TBC1D19: variants seen among roughly 807,000 people sequenced by gnomAD.
TBC1D19 encodes TBC1 domain family, member 19.
Under a neutral mutation model 89.0 loss-of-function variants are expected in TBC1D19, and 60 were observed. That is an observed-to-expected ratio of 0.67 (90% CI 0.55 to 0.84). TBC1D19 has a LOEUF of 0.84. Ranked by LOEUF, TBC1D19 falls within the 40% of genes least tolerant of loss-of-function variation. The pLI, the probability that TBC1D19 is intolerant of heterozygous loss-of-function variation, is 0.00. For missense variants in TBC1D19, 500 were observed against 610.8 expected, an observed-to-expected ratio of 0.82 and a Z score of 1.91; for synonymous variants, 189 against 199.7, an observed-to-expected ratio of 0.95 and a Z score of 0.45.
At position 26,599,320 on chromosome 4, in the gene TBC1D19, A is replaced by T. The variant is rs185942489; in HGVS notation, c.100-13849A>T. Among the ~76,000 whole-genome samples the T allele has an allele frequency of 1.7e-3, 259 of 152,294 alleles. 2 individuals are homozygous for T. The highest frequency in any genetic ancestry group is 5.7e-3 in the African/African-American group (238 of 41,568). On this transcript the variant is annotated intron_variant, in intron 1 of 20. Transcript: ENST00000264866. ...TGGTGGTTTGTTACAAGCCTTTTAA[A>T]ATTTAATCAAGAGGGCATTTTCCTG...
At chr4:26,821,792 C>G in the TBC1D19 span, among the ~76,000 whole-genome samples, 1 of 152,244 alleles carries the variant, frequency 6.6e-6, no homozygotes. Context: ...TCATCACACA[C>G]AGGTCAGCAG....
chr4:26,646,178 A>G (rs1385183666), intron 7 of TBC1D19, among the ~76,000 whole-genome samples: 15 of 152,092 alleles, frequency 9.9e-5, no homozygotes, highest in Non-Finnish European at 1.5e-4. Context: ...ACTTTTCAAA[A>G]GAAGACATTT....
At chr4:26,705,332 G>A (rs1346266718) in intron 13 of TBC1D19, among the ~76,000 whole-genome samples, 1 of 151,932 alleles carries the variant, frequency 6.6e-6, no homozygotes, top group Non-Finnish European at 1.5e-5. Flanking sequence ...CTGTGCCTTT[G>A]GTATTGTATC....
At chr4:26,692,327 A>G (rs1234784108) in intron 13 of TBC1D19, among the ~76,000 whole-genome samples, 1 of 152,192 alleles carries the variant, frequency 6.6e-6, no homozygotes. Context: ...TCTGGCCCAA[A>G]AGCTCTGACT....
the TBC1D19 span, among the ~76,000 whole-genome samples, chr4:26,842,635 T>TCTTC: frequency 6.8e-6 from 1 of 146,624 alleles, no homozygotes; most frequent in Admixed American, 6.9e-5. Flanking sequence ...TTTCTTTCTT[T>TCTTC]CTTTCTTTCT....
chr4:26,697,791 G>A (rs1277927100), intron 13 of TBC1D19, among the ~76,000 whole-genome samples: 1 of 152,084 alleles, frequency 6.6e-6, no homozygotes, highest in East Asian at 1.9e-4. Flanking sequence ...TGCAGGAAAG[G>A]CCTTTGACAA....
At chr4:26,595,267 T>A (rs189799301) in intron 1 of TBC1D19, among the ~76,000 whole-genome samples, 41 of 152,356 alleles carry the variant, frequency 2.7e-4, no homozygotes, top group Non-Finnish European at 1.3e-4. Context: ...CTTTTGCCCA[T>A]TTTTTAATTG....
intron 7 of TBC1D19, among the ~76,000 whole-genome samples, chr4:26,644,693 C>T (rs777650177): frequency 2.0e-5 from 3 of 152,210 alleles, no homozygotes; most frequent in Non-Finnish European, 4.4e-5. Context: ...AGCTGCAAAT[C>T]TCCTTAGGCT....
intron 11 of TBC1D19, among the ~76,000 whole-genome samples, chr4:26,682,308 A>T (rs1328950756): frequency 6.6e-6 from 1 of 152,242 alleles, no homozygotes; most frequent in Non-Finnish European, 1.5e-5. Context: ...AAATGAAAAC[A>T]TCAATAAGGA....
In TBC1D19 at chr4:26,637,266, G is replaced by C; in HGVS notation, c.350G>C (p.Ser117Thr). 6.2e-7 allele frequency: 1 copy of C among 1,609,980 alleles called. No individual in the cohort carries two copies. The highest frequency in any genetic ancestry group is 8.5e-7 in the Non-Finnish European group (1 of 1,177,976). ...TTAAATAGTATGTGCACTGAACTGA[G>C]TATCCCACTGGCACGAAAGGTACTT... ...KSLNSMCTEL[S>T]IPLARKRPVG... Residue 117 changes from serine (S) to threonine (T), a missense_variant, in exon 5 of 21, where the codon AGT becomes ACT. Ser to Thr is a moderately conservative substitution (Grantham distance 58). This residue lies in a region of TBC1D19 where 280 missense variants were observed against 291.7 expected (regional missense o/e 0.96). Coordinates refer to ENST00000264866, the MANE Select transcript of TBC1D19 (RefSeq NM_018317.4).
In TBC1D19 at chr4:26,681,542, C is replaced by T. The variant is rs78913070; in HGVS notation, c.817-2133C>T. 2.1e-3 allele frequency among the ~76,000 whole-genome samples: 316 copies of T among 151,848 alleles called. 9 individuals carry two copies. The East Asian group carries it at 0.052, about 25-fold the overall frequency. ...CTCCAGCCTGGGCGACAGAGTGAGACGCCGTCTCAAAAAAAATATATATAT... is the reference window on the plus strand; with the variant it reads ...CTCCAGCCTGGGCGACAGAGTGAGATGCCGTCTCAAAAAAAATATATATAT... On this transcript the variant is annotated intron_variant, in intron 11 of 20. Coordinates refer to ENST00000264866, the MANE Select transcript of TBC1D19 (RefSeq NM_018317.4).
the TBC1D19 span, among the ~76,000 whole-genome samples, chr4:26,793,413 T>TC: frequency 6.6e-6 from 1 of 152,184 alleles, no homozygotes. Context: ...CAACCAATGG[T>TC]ACAGTTGATG....
In TBC1D19 at chr4:26,660,543, C is replaced by T. The variant is rs145920908; in HGVS notation, c.591+836C>T. 4.9e-3 allele frequency among the ~76,000 whole-genome samples: 740 copies of T among 152,286 alleles called. 7 individuals are homozygous for T. The highest frequency in any genetic ancestry group is 0.017 in the African/African-American group (711 of 41,566). On this transcript the variant is annotated intron_variant, in intron 8 of 20. Coordinates refer to ENST00000264866, the MANE Select transcript of TBC1D19 (RefSeq NM_018317.4). ...GGAGCCGGACCCTATAAACGTTTCC[C>T]CTTTGCCAGCAGGCCTGATGTTAGG...
the TBC1D19 span, among the ~76,000 whole-genome samples, chr4:26,822,915 T>G: frequency 1.3e-5 from 2 of 152,216 alleles, no homozygotes; most frequent in African/African-American, 4.8e-5. Flanking sequence ...ACCTTGATTT[T>G]CCTTGGGATC....
chr4:26,794,833 A>G, the TBC1D19 span, among the ~76,000 whole-genome samples: 2 of 152,244 alleles, frequency 1.3e-5, no homozygotes, highest in African/African-American at 4.8e-5. Flanking sequence ...AAATCAGCCA[A>G]TCAGTCAGAA....
chr4:26,682,243 C>T (rs1015694584), intron 11 of TBC1D19, among the ~76,000 whole-genome samples: 22 of 151,862 alleles, frequency 1.4e-4, no homozygotes, highest in African/African-American at 4.8e-4. Context: ...GAGATAGATT[C>T]GGTAGATACA....
chr4:26,600,572 A>G (rs1208648530), intron 1 of TBC1D19, among the ~76,000 whole-genome samples: 1 of 152,216 alleles, frequency 6.6e-6, no homozygotes, highest in Non-Finnish European at 1.5e-5. Context: ...ATTGGTTACT[A>G]AATGTGAAGT....
At chr4:26,710,421 C>T (rs532947788) in intron 13 of TBC1D19, among the ~76,000 whole-genome samples, 18 of 152,254 alleles carry the variant, frequency 1.2e-4, no homozygotes, top group African/African-American at 2.6e-4. Context: ...TTTCTTAATC[C>T]GGTCTATCAT....
At chr4:26,759,322 T>A (rs879529244), downstream of TBC1D19, among the ~76,000 whole-genome samples, 1 of 152,186 alleles carries the variant, frequency 6.6e-6, no homozygotes, top group Non-Finnish European at 1.5e-5. Context: ...CTATTCTAAT[T>A]CACTCATTTA....
Sources: allele counts gnomAD v4.1 joint callset (sites outside exome capture counted in the v4.1 genomes callset), GRCh38; gene constraint gnomAD v4.1.1; regional missense constraint gnomAD v4.1.1; transcripts MANE v1.5; gene names NCBI Gene and HGNC (gene_info 2026-07-23, HGNC 2026-07-21).